EED: variants seen among roughly 807,000 people sequenced by gnomAD.
The protein encoded by EED is embryonic ectoderm development, also known as polycomb protein EED.
A neutral mutation model predicts 61.0 loss-of-function variants in EED; 9 were observed. The observed-to-expected ratio is 0.15, with a 90% CI of 0.09 to 0.26. EED has a LOEUF of 0.26. Ranked by LOEUF, EED falls within the 10% of genes least tolerant of loss-of-function variation. EED has a pLI of 1.00. For synonymous variants in EED, 187 were observed against 174.4 expected (o/e 1.07, Z -0.57); for missense variants, 315 against 542.3 (o/e 0.58, Z 4.16).
downstream of EED, among the ~76,000 whole-genome samples, chr11:86,283,220 C>T (rs1946342813): frequency 6.6e-6 from 1 of 152,068 alleles, no homozygotes; most frequent in African/African-American, 2.4e-5. Flanking sequence ...AATCAAAGAT[C>T]ACCAGATTGA....
At chr11:86,283,480 A>G (rs1946346450), downstream of EED, among the ~76,000 whole-genome samples, 1 of 152,142 alleles carries the variant, frequency 6.6e-6, no homozygotes, top group East Asian at 1.9e-4. Context: ...ACTGTGATGT[A>G]GTCTATATGA....
chr11:86,278,919 T>TGAC (rs1460234005), downstream of EED: 1 of 178,920 alleles, frequency 5.6e-6, no homozygotes, highest in African/African-American at 2.4e-5. Flanking sequence ...TCCTACTACG[T>TGAC]GACCTTGGAT....
chr11:86,257,001 TC>T (rs1212949303), intron 5 of EED, among the ~76,000 whole-genome samples: 2 of 152,090 alleles, frequency 1.3e-5, no homozygotes, highest in African/African-American at 4.8e-5. Context: ...CCTCCGCTAA[TC>T]CGATCAGAAT....
At chr11:86,264,324 G>T (rs906527117) in intron 7 of EED, 61 bp downstream of exon 7, 9 of 1,203,174 alleles carry the variant, frequency 7.5e-6, no homozygotes, top group Non-Finnish European at 1.1e-5. Flanking sequence ...CAGTCTCCAT[G>T]GAACTGTTTC....
intron 4 of EED, 70 bp downstream of exon 4, chr11:86,255,357 T>G (rs879871714): frequency 2.6e-5 from 32 of 1,216,034 alleles, no homozygotes; most frequent in Non-Finnish European, 3.4e-5. Context: ...CCAAAACTTT[T>G]ATAAATTAAT....
rs542444914 is a variant in EED, at chr11:86,269,207, G to A, written c.966+646G>A. On this transcript the variant is annotated intron_variant, in intron 9 of 11. Transcript: ENST00000263360. ...ATATCTCACATACTGCATACTGCTA[G>A]CCCAGGAAAAGATCAAAATTCAAAA... Among the ~76,000 whole-genome samples, 136 of 152,126 alleles carry A rather than the reference G, an allele frequency of 8.9e-4. 1 individual carries two copies. Among genetic ancestry groups the A allele is most frequent in the Non-Finnish European group, 1.5e-3 (105 of 68,024 alleles).
At chr11:86,265,952 A>T in intron 7 of EED, 131 bp from the exon 8 acceptor site, 1 of 717,242 alleles carries the variant, frequency 1.4e-6, no homozygotes, top group Non-Finnish European at 2.2e-6. Context: ...TGGCCTATTT[A>T]GATGAAACCC....
At chr11:86,262,154 T>A (rs1945848256) in intron 6 of EED, among the ~76,000 whole-genome samples, 1 of 152,176 alleles carries the variant, frequency 6.6e-6, no homozygotes, top group African/African-American at 2.4e-5. Flanking sequence ...AGTGTTGGGA[T>A]TACAGGTGTG....
intron 9 of EED, chr11:86,270,179 T>G: frequency 2.9e-6 from 2 of 700,122 alleles, no homozygotes; most frequent in Middle Eastern, 2.3e-4. Flanking sequence ...ATTTTTTATT[T>G]TAGCTGTTCT....
At chr11:86,246,321 A>C (rs905905237) in intron 1 of EED, among the ~76,000 whole-genome samples, 1 of 152,246 alleles carries the variant, frequency 6.6e-6, no homozygotes, top group Non-Finnish European at 1.5e-5. Context: ...TTCTCATGAT[A>C]TATAACAACT....
chr11:86,286,306 G>T, the EED span, among the ~76,000 whole-genome samples: 2 of 152,074 alleles, frequency 1.3e-5, no homozygotes, highest in African/African-American at 2.4e-5. Context: ...CTCCCAAAGT[G>T]CTGGGATTAC....
chr11:86,278,530 CT>C lies in EED; in HGVS notation c.*9del. On this transcript the variant is annotated 3_prime_UTR_variant, in exon 12 of 12. Transcript: ENST00000263360. ...CGCTGGGATCGACTTCGATAAAATA[CT>C]TTTGCCTAATCAAAATTAGAGTGTG... 6.2e-7 allele frequency: 1 copy of C among 1,612,290 alleles called. No individual in the cohort carries two copies. The highest frequency in any genetic ancestry group is 8.5e-7 in the Non-Finnish European group (1 of 1,179,192).
At chr11:86,262,718 C>T (rs1945864971) in intron 6 of EED, among the ~76,000 whole-genome samples, 1 of 151,956 alleles carries the variant, frequency 6.6e-6, no homozygotes, top group African/African-American at 2.4e-5. Flanking sequence ...ACCATGTTGC[C>T]CAGGCTAGTC....
At chr11:86,271,299 T>C (rs1163417127) in intron 9 of EED, among the ~76,000 whole-genome samples, 2 of 152,238 alleles carry the variant, frequency 1.3e-5, no homozygotes, top group Non-Finnish European at 2.9e-5. Context: ...TAAACTGTTT[T>C]ATATTTTTAT....
chr11:86,287,068 T>C, the EED span, among the ~76,000 whole-genome samples: 4 of 151,504 alleles, frequency 2.6e-5, no homozygotes, highest in Non-Finnish European at 2.9e-5. Context: ...CTTACTAATA[T>C]GATGCATTCT....
chr11:86,285,653 AG>A, the EED span, among the ~76,000 whole-genome samples: 1 of 151,404 alleles, frequency 6.6e-6, no homozygotes, highest in East Asian at 2.0e-4. Flanking sequence ...GCTGGAGTGC[AG>A]GGGTGTGATT....
At chr11:86,254,322 G>C (rs370515706) in intron 3 of EED, among the ~76,000 whole-genome samples, 1 of 149,308 alleles carries the variant, frequency 6.7e-6, no homozygotes, top group Non-Finnish European at 1.5e-5. Context: ...TATTTTTTAT[G>C]GTTTTTTTTT....
At chr11:86,268,218 A>G in intron 8 of EED, 2 of 337,282 alleles carry the variant, frequency 5.9e-6, no homozygotes, top group Non-Finnish European at 1.1e-5. Flanking sequence ...ATGTTTATAA[A>G]CAAAGTATCT....
intron 8 of EED, among the ~76,000 whole-genome samples, chr11:86,266,642 C>T (rs952634745): frequency 6.6e-6 from 1 of 152,060 alleles, no homozygotes; most frequent in African/African-American, 2.4e-5. Context: ...CAATGGAGTT[C>T]TTAGCTCTAA....
Sources: gnomAD v4.1 joint callset for allele counts (sites outside exome capture counted in the v4.1 genomes callset) on GRCh38, gnomAD v4.1.1 for gene constraint, MANE v1.5 for transcripts, NCBI Gene and HGNC (gene_info 2026-07-23, HGNC 2026-07-21) for gene names.